The following NRP1 variants were observed in gnomAD, a reference collection of about 807,000 sequenced individuals.
NRP1 encodes neuropilin 1.
Under a neutral mutation model 106.7 loss-of-function variants are expected in NRP1, and 35 were observed. The ratio of observed to expected loss-of-function variants is 0.33; its 90% CI spans 0.25 to 0.43. NRP1 has a LOEUF of 0.43. Ranked by LOEUF, NRP1 falls within the 20% of genes least tolerant of loss-of-function variation. The probability of loss-of-function intolerance (pLI) is 1.00; values close to 1 mark genes in which losing one functional copy is unlikely to be tolerated. For missense variants in NRP1, 1,024 were observed against 1,170.4 expected, an observed-to-expected ratio of 0.87 and a Z score of 1.83; for synonymous variants, 437 against 417.9, an observed-to-expected ratio of 1.05 and a Z score of -0.56.
At chr10:33,221,581 C>A in intron 8 of NRP1, 138 bp downstream of exon 8, 1 of 1,052,162 alleles carries the variant, frequency 9.5e-7, no homozygotes, top group Non-Finnish European at 1.4e-6. Flanking sequence ...TGTCTAAATC[C>A]AAAGTAGATG....
At position 33,221,873 on chromosome 10, in the gene NRP1, GA is replaced by G. The variant is rs760512375; in HGVS notation, c.1138-11del. ...TGTTTCCCTGAAAGAGCTGTATGGG[GA>G]AAAAAAGTGCCTTTCTTTAGCAGAG... On this transcript the variant is annotated splice_polypyrimidine_tract_variant and intron_variant, in intron 7 of 16. Transcript: ENST00000374867. 1.2e-5 allele frequency: 19 copies of G among 1,593,276 alleles called. No homozygotes were observed. Among genetic ancestry groups the G allele is most frequent in the African/African-American group, 8.0e-5 (6 of 74,630 alleles).
intron 6 of NRP1, among the ~76,000 whole-genome samples, chr10:33,236,806 C>T (rs546987050): frequency 6.6e-6 from 1 of 152,118 alleles, no homozygotes; most frequent in Non-Finnish European, 1.5e-5. Context: ...GTATTGCTGA[C>T]GATTATTGTT....
At chr10:33,263,594 G>A (rs2070297) in intron 4 of NRP1, 52 bp downstream of exon 4, 643,830 of 1,335,240 alleles carry the variant, frequency 0.48, 158,690 homozygotes, top group African/African-American at 0.66. Context: ...AAGAATACTG[G>A]TGCCCTTCCT....
chr10:33,300,911 G>A (rs1296045608), intron 2 of NRP1, among the ~76,000 whole-genome samples: 1 of 151,994 alleles, frequency 6.6e-6, no homozygotes, highest in Non-Finnish European at 1.5e-5. Context: ...GACCACCTTG[G>A]GCACATGTCA....
intron 6 of NRP1, among the ~76,000 whole-genome samples, chr10:33,244,432 A>G (rs1841264638): frequency 6.6e-6 from 1 of 152,220 alleles, no homozygotes; most frequent in South Asian, 2.1e-4. Context: ...AAATCTGTGC[A>G]TGTTATGGAT....
intron 6 of NRP1, among the ~76,000 whole-genome samples, chr10:33,233,004 A>C (rs1443371226): frequency 6.6e-6 from 1 of 152,166 alleles, no homozygotes; most frequent in Non-Finnish European, 1.5e-5. Flanking sequence ...ATGATTAGAA[A>C]TGTGACCCAA....
At chr10:33,332,686 G>A (rs1478462356) in intron 1 of NRP1, among the ~76,000 whole-genome samples, 4 of 152,152 alleles carry the variant, frequency 2.6e-5, no homozygotes, top group African/African-American at 9.7e-5. Context: ...TCCTAAATAA[G>A]GTTAATGAAT....
chr10:33,189,558 A>G (rs916325644), intron 13 of NRP1, among the ~76,000 whole-genome samples: 1 of 152,200 alleles, frequency 6.6e-6, no homozygotes, highest in Non-Finnish European at 1.5e-5. Context: ...TGCCCAAGTC[A>G]GCATCTGCCC....
Position 33,188,910 on chromosome 10 carries a change from A to AATATATATATATATATATATATATAT in NRP1, c.2063-2448_2063-2423dup, listed in dbSNP as rs9299704. Among the ~76,000 whole-genome samples, 114 of 111,306 alleles carry AATATATATATATATATATATATATAT rather than the reference A, an allele frequency of 1.0e-3. 3 individuals are homozygous for AATATATATATATATATATATATATAT. Among genetic ancestry groups the AATATATATATATATATATATATATAT allele is most frequent in the East Asian group, 2.5e-3 (7 of 2,782 alleles). The allele number at this position is 111,306 out of a possible 152,430, so 73.0% of individuals were successfully genotyped here. A position where few individuals can be genotyped will look rare whatever the true frequency, so the allele number is the denominator to read the frequency against. On this transcript the variant is annotated intron_variant, in intron 13 of 16. Coordinates refer to ENST00000374867, the MANE Select transcript of NRP1 (RefSeq NM_003873.7). The stretch of plus-strand genomic sequence containing the variant: ...CCTAGGCAACAGAGACCCTGTCTTA[A>AATATATATATATATATATATATATAT]ATATATATATATATATATATATATA...
chr10:33,233,276 G>T (rs1840300481), intron 6 of NRP1, among the ~76,000 whole-genome samples: 1 of 152,100 alleles, frequency 6.6e-6, no homozygotes, highest in Non-Finnish European at 1.5e-5. Flanking sequence ...ACGGCACTGG[G>T]TTCTACCATG....
chr10:33,292,066 G>A (rs1215922183), intron 2 of NRP1, among the ~76,000 whole-genome samples: 3 of 152,078 alleles, frequency 2.0e-5, no homozygotes, highest in Non-Finnish European at 4.4e-5. Flanking sequence ...ATCACACGTG[G>A]CTAATATTTT....
intron 2 of NRP1, among the ~76,000 whole-genome samples, chr10:33,319,599 T>G (rs1024720199): frequency 1.3e-5 from 2 of 149,600 alleles, no homozygotes; most frequent in Admixed American, 1.3e-4. Context: ...TTTTTTTTTT[T>G]TTTTTGAGAC....
intron 12 of NRP1, among the ~76,000 whole-genome samples, chr10:33,193,550 G>A (rs546975679): frequency 3.9e-5 from 6 of 152,162 alleles, no homozygotes; most frequent in Non-Finnish European, 8.8e-5. Flanking sequence ...GAAACAAACA[G>A]GAAGGCGCCT....
At chr10:33,198,614 G>A (rs976614573) in intron 11 of NRP1, among the ~76,000 whole-genome samples, 1 of 152,004 alleles carries the variant, frequency 6.6e-6, no homozygotes, top group Non-Finnish European at 1.5e-5. Flanking sequence ...CCACCTTCTC[G>A]GTGACTTGGG....
intron 2 of NRP1, among the ~76,000 whole-genome samples, chr10:33,324,901 A>G (rs1847780718): frequency 6.6e-6 from 1 of 152,158 alleles, no homozygotes; most frequent in African/African-American, 2.4e-5. Flanking sequence ...CTGGCTCCCA[A>G]TGTTTGCGAG....
chr10:33,199,365 T>TTATATATATATATATATATATATA (rs57582967), intron 11 of NRP1, among the ~76,000 whole-genome samples: 6 of 64,266 alleles, frequency 9.3e-5, no homozygotes, highest in African/African-American at 1.5e-4. Context: ...CCTGGCTGTT[T>TTATATATATATATATATATATATA]TCTATATATA....
At chr10:33,238,383 T>C (rs367742361) in intron 6 of NRP1, among the ~76,000 whole-genome samples, 28 of 152,350 alleles carry the variant, frequency 1.8e-4, no homozygotes, top group African/African-American at 6.7e-4. Context: ...CATGATCTTC[T>C]AATGATGAGC....
intron 2 of NRP1, among the ~76,000 whole-genome samples, chr10:33,286,423 C>A (rs1443243788): frequency 6.6e-6 from 1 of 152,152 alleles, no homozygotes; most frequent in Non-Finnish European, 1.5e-5. Flanking sequence ...CCTCCTACAT[C>A]TGCCCTTCCT....
intron 2 of NRP1, among the ~76,000 whole-genome samples, chr10:33,297,863 A>C (rs1026409054): frequency 6.6e-6 from 1 of 151,920 alleles, no homozygotes; most frequent in South Asian, 2.1e-4. Flanking sequence ...CTACAGTTAG[A>C]TGGGGGTATG....
Sources: gnomAD v4.1 joint callset for allele counts (sites outside exome capture counted in the v4.1 genomes callset) on GRCh38, gnomAD v4.1.1 for gene constraint, MANE v1.5 for transcripts, NCBI Gene and HGNC (gene_info 2026-07-23, HGNC 2026-07-21) for gene names.